Variants in PIK3C2G observed in about 807,000 individuals in gnomAD.
The protein encoded by PIK3C2G is phosphatidylinositol 3-kinase C2 domain-containing subunit gamma.
PIK3C2G carries 168 observed loss-of-function variants against 181.1 expected under a neutral mutation model. The observed-to-expected ratio is 0.93, with a 90% CI of 0.82 to 1.05. The LOEUF is 1.05. Among genes scored for constraint, PIK3C2G ranks in the 50% least tolerant of loss-of-function variants. PIK3C2G has a pLI of 0.00. For missense variants in PIK3C2G, 1,869 were observed against 1,732.8 expected, an observed-to-expected ratio of 1.08 and a Z score of -1.40; for synonymous variants, 573 against 592.2, an observed-to-expected ratio of 0.97 and a Z score of 0.47.
At chr12:18,265,401 TA>T (rs1331567507) in intron 1 of PIK3C2G, among the ~76,000 whole-genome samples, 4 of 152,208 alleles carry the variant, frequency 2.6e-5, no homozygotes, top group Non-Finnish European at 5.9e-5. Flanking sequence ...AAAAGCTAAA[TA>T]TATATAGTAT....
At chr12:18,699,886 A>C in the PIK3C2G span, 5 of 1,612,784 alleles carry the variant, frequency 3.1e-6, no homozygotes, top group Non-Finnish European at 4.2e-6. Context: ...AAAGCTTTTG[A>C]ATTTCTCAGC....
chr12:18,250,044 A>G (rs866222207), intron 1 of PIK3C2G, among the ~76,000 whole-genome samples: 14 of 152,196 alleles, frequency 9.2e-5, no homozygotes, highest in Middle Eastern at 3.4e-3. Flanking sequence ...AGTTTAGCTC[A>G]CTCAATGTAA....
the PIK3C2G span, among the ~76,000 whole-genome samples, chr12:18,679,493 A>G: frequency 0.38 from 58,338 of 151,664 alleles, 13,951 homozygotes; most frequent in South Asian, 0.59. Flanking sequence ...GACAACATTC[A>G]TTTTTTCCAG....
intron 13 of PIK3C2G, among the ~76,000 whole-genome samples, chr12:18,371,837 A>T (rs761714674): frequency 3.9e-4 from 59 of 152,164 alleles, no homozygotes; most frequent in Admixed American, 1.2e-3. Context: ...TCAACCATAA[A>T]TCTTGGAAAA....
chr12:18,655,749 T>C, the PIK3C2G span, among the ~76,000 whole-genome samples: 1 of 36,910 alleles, frequency 2.7e-5, no homozygotes, highest in African/African-American at 8.1e-5. Flanking sequence ...AACCTTATCA[T>C]GAAAAAAAAA....
At chr12:18,625,602 A>G (rs1314129116) in intron 31 of PIK3C2G, among the ~76,000 whole-genome samples, 1 of 151,758 alleles carries the variant, frequency 6.6e-6, no homozygotes, top group Non-Finnish European at 1.5e-5. Context: ...TGATCTGTCC[A>G]CTAGTGAAAG....
intron 30 of PIK3C2G, among the ~76,000 whole-genome samples, chr12:18,606,069 T>C (rs1178842820): frequency 1.5e-4 from 23 of 152,166 alleles, no homozygotes; most frequent in Admixed American, 1.4e-3. Flanking sequence ...TACTGCTACA[T>C]TGACTACTGA....
At chr12:18,633,684 T>C (rs1228501837) in intron 31 of PIK3C2G, among the ~76,000 whole-genome samples, 1 of 152,182 alleles carries the variant, frequency 6.6e-6, no homozygotes, top group Non-Finnish European at 1.5e-5. Flanking sequence ...TTTGCCCTTG[T>C]TAGTCAGGAT....
intron 19 of PIK3C2G, among the ~76,000 whole-genome samples, chr12:18,489,191 C>T (rs1388191862): frequency 1.3e-5 from 2 of 152,158 alleles, no homozygotes; most frequent in East Asian, 1.9e-4. Flanking sequence ...TTATCTCCAT[C>T]ACTAGTTCCC....
rs1949239869 is a variant in PIK3C2G, at chr12:18,281,987, T to A, written c.-78-17T>A. The A allele has an allele frequency of 1.4e-6, 1 of 711,934 alleles. No individual in the cohort carries two copies. The highest frequency in any genetic ancestry group is 2.3e-6 in the Non-Finnish European group (1 of 426,130). The allele number at this position is 711,934 out of a possible 1,614,324, so 44.1% of individuals were successfully genotyped here. ...TTCAAATTCAATATATTTTCTTTCA[T>A]TTTATGCTTTTTCTAGGAAAATTTC... On this transcript the variant is annotated splice_polypyrimidine_tract_variant and intron_variant, in intron 1 of 32. Transcript: ENST00000538779.
At chr12:18,709,868 T>C in the PIK3C2G span, among the ~76,000 whole-genome samples, 2 of 152,174 alleles carry the variant, frequency 1.3e-5, no homozygotes, top group African/African-American at 4.8e-5. Context: ...AGTATACAGA[T>C]CTTTCACTTC....
At chr12:18,654,366 A>G in the PIK3C2G span, among the ~76,000 whole-genome samples, 2 of 152,116 alleles carry the variant, frequency 1.3e-5, no homozygotes, top group African/African-American at 4.8e-5. Context: ...GATTTCCTGG[A>G]AAGACTAAGA....
chr12:18,399,002 C>T (rs1342660699), intron 15 of PIK3C2G, among the ~76,000 whole-genome samples: 1 of 151,166 alleles, frequency 6.6e-6, no homozygotes, highest in South Asian at 2.1e-4. Context: ...GAGACCATCC[C>T]GGCTAAAACG....
chr12:18,634,225 T>G (rs1363074395), intron 31 of PIK3C2G, among the ~76,000 whole-genome samples: 1 of 152,162 alleles, frequency 6.6e-6, no homozygotes, highest in Non-Finnish European at 1.5e-5. Context: ...TGCTGTGATG[T>G]GAGTCCCATA....
intron 22 of PIK3C2G, among the ~76,000 whole-genome samples, chr12:18,500,264 G>T: frequency 6.6e-6 from 1 of 150,888 alleles, no homozygotes; most frequent in East Asian, 2.1e-4. Context: ...CTGCCGGCCC[G>T]GGCAATGAGG....
intron 24 of PIK3C2G, among the ~76,000 whole-genome samples, chr12:18,526,088 T>C (rs1297356214): frequency 1.3e-5 from 2 of 152,198 alleles, no homozygotes; most frequent in African/African-American, 4.8e-5. Flanking sequence ...AATTTCTAAT[T>C]TGAGTATTAC....
chr12:18,637,344 G>C (rs750735009), intron 31 of PIK3C2G, among the ~76,000 whole-genome samples: 3 of 151,766 alleles, frequency 2.0e-5, no homozygotes, highest in Non-Finnish European at 4.4e-5. Context: ...TTAATTGAGA[G>C]GCCGTAACTC....
At chr12:18,587,176 T>G (rs1946824840) in intron 29 of PIK3C2G, among the ~76,000 whole-genome samples, 1 of 152,152 alleles carries the variant, frequency 6.6e-6, no homozygotes, top group Non-Finnish European at 1.5e-5. Context: ...TCATCACTCC[T>G]ATTCAACATA....
upstream of PIK3C2G, among the ~76,000 whole-genome samples, chr12:18,261,183 C>T (rs1948222425): frequency 1.3e-5 from 2 of 152,090 alleles, no homozygotes; most frequent in Non-Finnish European, 2.9e-5. Context: ...ACCACCTCCA[C>T]GTTTAAATGC....
Sources: gnomAD v4.1 joint callset for allele counts (sites outside exome capture counted in the v4.1 genomes callset) on GRCh38, gnomAD v4.1.1 for gene constraint, MANE v1.5 for transcripts, NCBI Gene and HGNC (gene_info 2026-07-23, HGNC 2026-07-21) for gene names.